Variants in NPAT observed in about 807,000 individuals in gnomAD.
NPAT encodes the protein nuclear protein, coactivator of histone transcription.
NPAT carries 52 observed loss-of-function variants against 130.7 expected under a neutral mutation model. That is an observed-to-expected ratio of 0.40 (90% CI 0.32 to 0.50). NPAT has a LOEUF of 0.50. NPAT is among the 20% of genes least tolerant of loss of function. The probability of loss-of-function intolerance (pLI) is 0.68; values close to 1 mark genes in which losing one functional copy is unlikely to be tolerated. For synonymous variants in NPAT, 580 were observed against 584.8 expected, an observed-to-expected ratio of 0.99 and a Z score of 0.12; for missense variants, 1,687 against 1,662.6, an observed-to-expected ratio of 1.01 and a Z score of -0.26.
chr11:108,181,740 A>T (rs1012558594), intron 10 of NPAT, among the ~76,000 whole-genome samples: 17 of 151,720 alleles, frequency 1.1e-4, no homozygotes, highest in African/African-American at 2.9e-4. Context: ...GTCATAATAA[A>T]AAAAAAAAAA....
At chr11:108,209,851 T>G (rs1457365348) in intron 1 of NPAT, among the ~76,000 whole-genome samples, 1 of 135,810 alleles carries the variant, frequency 7.4e-6, no homozygotes, top group East Asian at 2.2e-4. Flanking sequence ...ATCATGCCGC[T>G]GCACTCCAGC....
At chr11:108,174,545 G>A (rs560848421) in intron 12 of NPAT, among the ~76,000 whole-genome samples, 1 of 144,026 alleles carries the variant, frequency 6.9e-6, no homozygotes, top group Non-Finnish European at 1.5e-5. Flanking sequence ...TATAAAGGAG[G>A]CACTGTATGA....
chr11:108,196,058 T>A (rs1180614805), intron 2 of NPAT, among the ~76,000 whole-genome samples: 1 of 152,230 alleles, frequency 6.6e-6, no homozygotes, highest in Non-Finnish European at 1.5e-5. Context: ...AAATCCAACT[T>A]TGCACAATTT....
Position 108,157,349 on chromosome 11 carries a change from TCA to T in NPAT, c.*1591_*1592del, listed in dbSNP as rs777052526. 1.3e-4 allele frequency: 20 copies of T among 152,210 alleles called. No homozygotes were observed. The highest frequency in any genetic ancestry group is 1.8e-4 in the Non-Finnish European group (12 of 67,996). The allele number at this position is 152,210 out of a possible 1,614,324, so 9.4% of individuals were successfully genotyped here. On this transcript the variant is annotated 3_prime_UTR_variant, in exon 18 of 18. Coordinates refer to ENST00000278612, the MANE Select transcript of NPAT (RefSeq NM_002519.3). ...AGAACTGACTTGCAAAGGAATTTAA[TCA>T]GTTTCTAAACAAGACTGCCAATGTA... is the stretch of plus-strand genomic sequence containing the variant.
Position 108,169,859 on chromosome 11 carries a change from GAGAAA to G in NPAT, c.2902-12_2902-8del. The G allele has an allele frequency of 6.2e-7, 1 of 1,612,312 alleles. No homozygotes were observed. Among genetic ancestry groups the G allele is most frequent in the Non-Finnish European group, 8.5e-7 (1 of 1,178,410 alleles). Reference sequence around the variant, plus strand: ...TCAAAGGCATATGAAGAACCTGGAAGAGAAAAAGCCATTAATTACACTAAGCTTGA... The same window carrying G: ...TCAAAGGCATATGAAGAACCTGGAAGAAGCCATTAATTACACTAAGCTTGA... On this transcript the variant is annotated splice_polypyrimidine_tract_variant and splice_region_variant and intron_variant, in intron 14 of 17. Coordinates refer to ENST00000278612, the MANE Select transcript of NPAT (RefSeq NM_002519.3).
In NPAT at chr11:108,160,963, AT is replaced by A; in HGVS notation, c.4122del (p.Glu1374AspfsTer2). 6.2e-7 allele frequency: 1 copy of A among 1,614,154 alleles called. No homozygotes were observed. The highest frequency in any genetic ancestry group is 8.5e-7 in the Non-Finnish European group (1 of 1,180,020). On this transcript the variant is annotated frameshift_variant, in exon 17 of 18. Coordinates refer to ENST00000278612, the MANE Select transcript of NPAT (RefSeq NM_002519.3). LOFTEE classifies it high-confidence loss of function. ...RSTTKKRKIE[E>X]LDERERNSRP... The stretch of plus-strand genomic sequence containing the variant: ...CGAGAGTTTCGCTCACGTTCATCTA[AT>A]TCCTCAATTTTCCGCTTTTTTGTGG...
rs1172382221 is a variant in NPAT at position 108,172,950 on chromosome 11, T to C, written c.2034A>G (p.Gly678=). 6.2e-7 allele frequency: 1 copy of C among 1,614,140 alleles called. No homozygotes were observed. Among genetic ancestry groups the C allele is most frequent in the African/African-American group, 1.3e-5 (1 of 75,054 alleles). Residue 678 remains glycine (G), a synonymous_variant, in exon 13 of 18, where the codon GGA becomes GGG. Transcript: ENST00000278612. ...GTGCAACTTTCTCACAGTTAGCATT[T>C]CCACCTAAAGAGAGAAAAATAGTAT... ...EENTIFLSLG[G]NANCEKVALT...
chr11:108,181,485 A>C (rs1419831873), intron 10 of NPAT, among the ~76,000 whole-genome samples: 1 of 152,182 alleles, frequency 6.6e-6, no homozygotes, highest in Non-Finnish European at 1.5e-5. Flanking sequence ...AAAACAAAAA[A>C]AACTTACAGC....
intron 7 of NPAT, among the ~76,000 whole-genome samples, chr11:108,187,731 A>G (rs932726458): frequency 1.3e-5 from 2 of 149,088 alleles, no homozygotes; most frequent in African/African-American, 2.6e-5. Context: ...AATTCCATCA[A>G]TTGATCTTAG....
At chr11:108,170,290 T>C (rs952471892) in intron 13 of NPAT, 1 of 445,282 alleles carries the variant, frequency 2.2e-6, no homozygotes, top group South Asian at 2.1e-5. Context: ...GTGGTCTTAA[T>C]GTTATTCAGT....
In NPAT at chr11:108,185,218, C is replaced by T. The variant is rs1434906597; in HGVS notation, c.906+14G>A. 7 of 1,589,366 alleles carry T rather than the reference C, an allele frequency of 4.4e-6. No homozygotes were observed. In the Admixed American group the frequency reaches 1.2e-4, roughly 27 times the overall value. ...TAACACACACGCACCCATGCACACC[C>T]CAACCACCCATACCGGAAGTCCTAG... On this transcript the variant is annotated intron_variant, in intron 10 of 17. Transcript: ENST00000278612.
Position 108,222,513 on chromosome 11 carries a change from G to A in NPAT, c.24C>T (p.Ala8=), listed in dbSNP as rs1435547493. The change falls in exon 1 of 18, where the codon GCC becomes GCT. Residue 8 remains alanine (A), a synonymous_variant. Transcript: ENST00000278612. ...GTCCGCGCTTACCCAATACAAGCCG[G>A]GCTACGTCCGAGGGTAACAACATGA... The part of the protein sequence containing the change: MLLPSDV[A]RLVLGYLQQE... The A allele has an allele frequency of 3.1e-6, 5 of 1,613,830 alleles. No individual in the cohort carries two copies. The highest frequency in any genetic ancestry group is 4.2e-6 in the Non-Finnish European group (5 of 1,179,914).
chr11:108,164,427 G>A (rs567853730), intron 15 of NPAT, among the ~76,000 whole-genome samples: 193 of 152,316 alleles, frequency 1.3e-3, no homozygotes, highest in African/African-American at 4.4e-3. Context: ...ATGTGGATAT[G>A]TAGGTTATTA....
At chr11:108,206,234 G>A (rs143874116) in intron 1 of NPAT, among the ~76,000 whole-genome samples, 2 of 152,282 alleles carry the variant, frequency 1.3e-5, no homozygotes, top group African/African-American at 4.8e-5. Flanking sequence ...TCCTTAGGGT[G>A]TCGCTTTTCC....
At chr11:108,217,630 G>T (rs2078446074) in intron 1 of NPAT, among the ~76,000 whole-genome samples, 1 of 152,086 alleles carries the variant, frequency 6.6e-6, no homozygotes, top group South Asian at 2.1e-4. Flanking sequence ...TTCTCAGTCA[G>T]GTAACAGGAA....
At chr11:108,208,588 TAA>T (rs34033921) in intron 1 of NPAT, 670 of 271,890 alleles carry the variant, frequency 2.5e-3, no homozygotes, top group East Asian at 3.2e-3. Context: ...ACCCTGTCTT[TAA>T]AAAAAAAAAA....
intron 1 of NPAT, among the ~76,000 whole-genome samples, chr11:108,212,353 CG>C (rs2078392201): frequency 6.6e-6 from 1 of 151,598 alleles, no homozygotes; most frequent in Non-Finnish European, 1.5e-5. Context: ...GGTGAAACCC[CG>C]TCTCTACTAA....
chr11:108,217,150 A>T (rs2078442538), intron 1 of NPAT, among the ~76,000 whole-genome samples: 2 of 152,092 alleles, frequency 1.3e-5, no homozygotes, highest in African/African-American at 4.8e-5. Flanking sequence ...GTGTGTCTAA[A>T]TTATTACAGT....
At position 108,169,910 on chromosome 11, in the gene NPAT, T is replaced by A. The variant is rs1168603223; in HGVS notation, c.2901+18A>T. 6.2e-7 allele frequency: 1 copy of A among 1,610,670 alleles called. No homozygotes were observed. The highest frequency in any genetic ancestry group is 1.7e-4 in the Middle Eastern group (1 of 6,052). On this transcript the variant is annotated intron_variant, in intron 14 of 17. Coordinates refer to ENST00000278612, the MANE Select transcript of NPAT (RefSeq NM_002519.3). ...CTTGAAAAGCATCACCACACCATTT[T>A]CAGTTCATAAATCTTACCTGCCGAG...
Sources: allele counts gnomAD v4.1 joint callset (sites outside exome capture counted in the v4.1 genomes callset), GRCh38; gene constraint gnomAD v4.1.1; transcripts MANE v1.5; gene names NCBI Gene and HGNC (gene_info 2026-07-23, HGNC 2026-07-21).